Variants in GDA observed in about 807,000 individuals in gnomAD.
The protein encoded by GDA is guanine deaminase, also known as cytoplasmic PSD-95 interactor.
A neutral mutation model predicts 59.6 loss-of-function variants in GDA; 18 were observed. The observed-to-expected ratio is 0.30, with a 90% CI of 0.21 to 0.45. The LOEUF (loss-of-function observed/expected upper bound fraction) is 0.45. Ranked by LOEUF, GDA falls within the 20% of genes least tolerant of loss-of-function variation. The pLI, the probability that GDA is intolerant of heterozygous loss-of-function variation, is 1.00. For synonymous variants in GDA, 201 were observed against 201.1 expected, an observed-to-expected ratio of 1.00 and a Z score of 0.00; for missense variants, 427 against 552.3, an observed-to-expected ratio of 0.77 and a Z score of 2.27.
chr9:72,236,776 A>AT (rs201065067), intron 10 of GDA, among the ~76,000 whole-genome samples: 1,487 of 101,434 alleles, frequency 0.015, 13 homozygotes, highest in South Asian at 0.025. Flanking sequence ...AACCACTCCT[A>AT]TTTTTTTTTT....
Position 72,250,469 on chromosome 9 carries a change from T to C in GDA, c.*2127T>C, listed in dbSNP as rs758875650. The C allele has an allele frequency of 3.0e-6, 4 of 1,313,194 alleles. No homozygotes were observed. Among genetic ancestry groups the C allele is most frequent in the Non-Finnish European group, 3.9e-6 (4 of 1,027,036 alleles). The allele number at this position is 1,313,194 out of a possible 1,614,324, so 81.3% of individuals were successfully genotyped here. The stretch of plus-strand genomic sequence containing the variant: ...ATAGTGTGTTAAGACCTGAATATCT[T>C]TCCTAGTAAAAATAGGATGTGTTGA... On this transcript the variant is annotated 3_prime_UTR_variant, in exon 14 of 14. Transcript: ENST00000358399.
rs1362256523 is a variant in GDA at position 72,200,228 on chromosome 9, C to T, written c.213-2343C>T. Among the ~76,000 whole-genome samples, 4 of 152,176 alleles carry T rather than the reference C, an allele frequency of 2.6e-5. No homozygotes were observed. In the East Asian group the frequency reaches 5.8e-4, roughly 22 times the overall value. On this transcript the variant is annotated intron_variant, in intron 2 of 13. Transcript: ENST00000358399. ...AGCCAGGATGGTCTCGATCTCCTGA[C>T]CTCGTGATCTGCCCGCCTTGGCCTC...
At chr9:72,239,442 T>C (rs1839368335) in intron 10 of GDA, among the ~76,000 whole-genome samples, 1 of 152,168 alleles carries the variant, frequency 6.6e-6, no homozygotes, top group Admixed American at 6.5e-5. Context: ...ATTTTATACC[T>C]TATTTTTAAA....
chr9:72,129,730 A>T (rs1041389905), intron 1 of GDA, among the ~76,000 whole-genome samples: 1 of 152,150 alleles, frequency 6.6e-6, no homozygotes, highest in South Asian at 2.1e-4. Flanking sequence ...CTGCTAGGGT[A>T]TTTAGCTGAC....
chr9:72,220,925 CT>C (rs1457555874), intron 6 of GDA, among the ~76,000 whole-genome samples: 4 of 152,174 alleles, frequency 2.6e-5, no homozygotes, highest in African/African-American at 9.7e-5. Context: ...GCCTCCACCC[CT>C]AACAGGCTGG....
At chr9:72,156,248 T>C (rs1237146270) in intron 1 of GDA, among the ~76,000 whole-genome samples, 2 of 152,184 alleles carry the variant, frequency 1.3e-5, no homozygotes, top group Non-Finnish European at 2.9e-5. Context: ...GACTGGAACA[T>C]GCAAAAGAGG....
chr9:72,220,823 G>A (rs1210105050), intron 6 of GDA, among the ~76,000 whole-genome samples: 3 of 152,150 alleles, frequency 2.0e-5, no homozygotes, highest in Admixed American at 2.0e-4. Flanking sequence ...CCCTATGTGT[G>A]TGACACCTCA....
intron 10 of GDA, among the ~76,000 whole-genome samples, chr9:72,233,004 T>A (rs1056973287): frequency 3.3e-5 from 5 of 152,240 alleles, no homozygotes; most frequent in Admixed American, 3.3e-4. Flanking sequence ...AACGTTTGAA[T>A]AAATATGACC....
intron 3 of GDA, among the ~76,000 whole-genome samples, chr9:72,210,281 GAGAT>G (rs1459983993): frequency 6.6e-6 from 1 of 152,212 alleles, no homozygotes; most frequent in Non-Finnish European, 1.5e-5. Context: ...CGAAGGAAAG[GAGAT>G]AGATATATGT....
chr9:72,117,410 A>G (rs1232741273), intron 1 of GDA, among the ~76,000 whole-genome samples: 3 of 152,114 alleles, frequency 2.0e-5, no homozygotes, highest in Non-Finnish European at 4.4e-5. Context: ...ATACAGAACA[A>G]TCTCTCTCTT....
At chr9:72,231,880 GTA>G (rs1838393625) in intron 10 of GDA, among the ~76,000 whole-genome samples, 1 of 152,222 alleles carries the variant, frequency 6.6e-6, no homozygotes, top group Non-Finnish European at 1.5e-5. Context: ...GAATTCGGAT[GTA>G]TGTTAAGAAT....
intron 1 of GDA, among the ~76,000 whole-genome samples, chr9:72,184,581 G>A (rs973006070): frequency 6.6e-5 from 10 of 151,880 alleles, no homozygotes; most frequent in Admixed American, 6.6e-5. Context: ...TGGATGTACC[G>A]CAGTTTATTT....
chr9:72,124,062 C>T (rs1353179975), intron 1 of GDA, among the ~76,000 whole-genome samples: 4 of 152,018 alleles, frequency 2.6e-5, no homozygotes, highest in Non-Finnish European at 5.9e-5. Flanking sequence ...GAGAGGAAAA[C>T]AAGGACCAAG....
At chr9:72,225,864 G>T in intron 8 of GDA, 80 bp downstream of exon 8, 3 of 646,594 alleles carry the variant, frequency 4.6e-6, no homozygotes, top group South Asian at 2.2e-5. Flanking sequence ...GTAATCTTCA[G>T]ATTTCTGATA....
chr9:72,190,036 CAGTGGAT>C (rs1795624335), intron 1 of GDA, among the ~76,000 whole-genome samples: 1 of 152,100 alleles, frequency 6.6e-6, no homozygotes, highest in African/African-American at 2.4e-5. Flanking sequence ...AAGCTCTAAT[CAGTGGAT>C]TAATGCCATT....
At position 72,250,459 on chromosome 9, in the gene GDA, C is replaced by G; in HGVS notation, c.*2117C>G. ...TTTAGCTCTGATAGTGTGTTAAGAC[C>G]TGAATATCTTTCCTAGTAAAAATAG... is the stretch of plus-strand genomic sequence containing the variant. On this transcript the variant is annotated 3_prime_UTR_variant, in exon 14 of 14. Transcript: ENST00000358399. 2.3e-6 allele frequency: 3 copies of G among 1,292,158 alleles called. No homozygotes were observed. The highest frequency in any genetic ancestry group is 3.0e-6 in the Non-Finnish European group (3 of 1,014,168). The allele number at this position is 1,292,158 out of a possible 1,614,324, so 80.0% of individuals were successfully genotyped here.
chr9:72,240,228 A>G (rs1359362829), intron 10 of GDA, among the ~76,000 whole-genome samples: 13 of 152,192 alleles, frequency 8.5e-5, no homozygotes. Context: ...TATTACACTA[A>G]TTTCCCAAAA....
chr9:72,235,606 A>G (rs1245102769), intron 10 of GDA, among the ~76,000 whole-genome samples: 1 of 152,106 alleles, frequency 6.6e-6, no homozygotes, highest in African/African-American at 2.4e-5. Context: ...CTGAGGCAGT[A>G]GAATTGCTTG....
At chr9:72,227,210 G>T (rs1295619402) in intron 8 of GDA, among the ~76,000 whole-genome samples, 1 of 152,122 alleles carries the variant, frequency 6.6e-6, no homozygotes, top group Non-Finnish European at 1.5e-5. Flanking sequence ...AAATAATTTT[G>T]AAAGAGTAAA....
Sources: gnomAD v4.1 joint callset for allele counts (sites outside exome capture counted in the v4.1 genomes callset) on GRCh38, gnomAD v4.1.1 for gene constraint, MANE v1.5 for transcripts, NCBI Gene and HGNC (gene_info 2026-07-23, HGNC 2026-07-21) for gene names.